The following FAM163A variants were observed in gnomAD, a reference collection of about 807,000 sequenced individuals.
FAM163A encodes the protein protein FAM163A.
A neutral mutation model predicts 12.0 loss-of-function variants in FAM163A; 7 were observed. The ratio of observed to expected loss-of-function variants is 0.58; its 90% CI spans 0.33 to 1.10. The LOEUF (loss-of-function observed/expected upper bound fraction) is 1.10. Ranked by LOEUF, FAM163A falls within the 50% of genes least tolerant of loss-of-function variation. The pLI, the probability that FAM163A is intolerant of heterozygous loss-of-function variation, is 0.03. For synonymous variants in FAM163A, 101 were observed against 91.0 expected (o/e 1.11, Z -0.62); for missense variants, 202 against 218.6 (o/e 0.92, Z 0.48).
chr1:179,812,803 T>A (rs1208976464), intron 3 of FAM163A, among the ~76,000 whole-genome samples: 1 of 151,938 alleles, frequency 6.6e-6, no homozygotes, highest in East Asian at 1.9e-4. Flanking sequence ...CTAAGAAGGG[T>A]GTGACGGGAG....
chr1:179,754,646 A>G (rs905418937), intron 1 of FAM163A, among the ~76,000 whole-genome samples: 2 of 152,316 alleles, frequency 1.3e-5, no homozygotes, highest in African/African-American at 4.8e-5. Flanking sequence ...AGAGGCTTCA[A>G]GAGATGGCAA....
At chr1:179,784,416 G>A (rs757513302) in intron 1 of FAM163A, among the ~76,000 whole-genome samples, 6 of 152,204 alleles carry the variant, frequency 3.9e-5, no homozygotes, top group Non-Finnish European at 8.8e-5. Flanking sequence ...TAACCTCTCT[G>A]AACCTGTTGT....
At chr1:179,740,477 A>T (rs1478548652), upstream of FAM163A, among the ~76,000 whole-genome samples, 1 of 152,160 alleles carries the variant, frequency 6.6e-6, no homozygotes, top group Non-Finnish European at 1.5e-5. Flanking sequence ...AAAAAACCCT[A>T]AATGTCCTTC....
intron 1 of FAM163A, among the ~76,000 whole-genome samples, chr1:179,755,789 C>T (rs1685941619): frequency 6.6e-6 from 1 of 152,094 alleles, no homozygotes; most frequent in South Asian, 2.1e-4. Flanking sequence ...GATGAGTGCC[C>T]ATGGATTCAA....
At chr1:179,747,372 C>G (rs2245195) in intron 1 of FAM163A, among the ~76,000 whole-genome samples, 1 of 151,950 alleles carries the variant, frequency 6.6e-6, no homozygotes, top group Admixed American at 6.6e-5. Flanking sequence ...GCCTGGAAGC[C>G]GATGGATACA....
At chr1:179,810,872 G>A (rs1394265122) in intron 2 of FAM163A, among the ~76,000 whole-genome samples, 7 of 152,036 alleles carry the variant, frequency 4.6e-5, no homozygotes, top group African/African-American at 1.7e-4. Context: ...GTGAAGCCCC[G>A]TTTCTACTGA....
chr1:179,812,142 G>A lies in FAM163A; in HGVS notation c.-23+11G>A, dbSNP rs145979078. On this transcript the variant is annotated intron_variant, in intron 3 of 4. Coordinates refer to ENST00000341785, the MANE Select transcript of FAM163A (RefSeq NM_173509.3). The stretch of plus-strand genomic sequence containing the variant: ...TTCCCTTTACTGAATGTAAGTGATC[G>A]TAGTCATTTTTCCATCTCCAAGATG... The A allele has an allele frequency of 3.9e-5, 6 of 152,668 alleles. No individual in the cohort carries two copies. The highest frequency in any genetic ancestry group is 1.3e-4 in the Admixed American group (2 of 15,290). 9.5% of individuals were successfully genotyped at this position (152,668 alleles called of 1,614,324 possible). A position where few individuals can be genotyped will look rare whatever the true frequency, so the allele number is the denominator to read the frequency against.
chr1:179,792,895 T>A lies in FAM163A; in HGVS notation c.-135-14903T>A, dbSNP rs1553225271. Among the ~76,000 whole-genome samples, 9 of 145,492 alleles carry A rather than the reference T, an allele frequency of 6.2e-5. No individual in the cohort carries two copies. In the South Asian group the frequency reaches 6.5e-4, roughly 11 times the overall value. Reference sequence around the variant, plus strand: ...AGATAATAAAATATATATATATATATAATAAAATACAGTGTGACAGGAGCT... The same window carrying A: ...AGATAATAAAATATATATATATATAAAATAAAATACAGTGTGACAGGAGCT... On this transcript the variant is annotated intron_variant, in intron 1 of 4. Transcript: ENST00000341785.
chr1:179,731,291 A>T, the FAM163A span, among the ~76,000 whole-genome samples: 2 of 152,214 alleles, frequency 1.3e-5, no homozygotes, highest in Non-Finnish European at 2.9e-5. Flanking sequence ...GTAATATACC[A>T]TGAAAAGCTA....
upstream of FAM163A, among the ~76,000 whole-genome samples, chr1:179,739,482 C>T (rs537599801): frequency 2.0e-5 from 3 of 152,274 alleles, no homozygotes; most frequent in South Asian, 4.1e-4. Context: ...GTTTTGAATG[C>T]GGCCCAACAC....
chr1:179,786,333 C>T (rs1310368099), intron 1 of FAM163A, among the ~76,000 whole-genome samples: 1 of 152,156 alleles, frequency 6.6e-6, no homozygotes, highest in Non-Finnish European at 1.5e-5. Flanking sequence ...CAGGTCTCCC[C>T]AGGGTAGATT....
intron 3 of FAM163A, 122 bp downstream of exon 3, chr1:179,812,253 G>A (rs545231615): frequency 6.6e-6 from 1 of 152,570 alleles, no homozygotes; most frequent in African/African-American, 2.4e-5. Context: ...CCTAAAAGGA[G>A]AATCTGTCTG....
At chr1:179,752,962 T>C (rs1228987334) in intron 1 of FAM163A, among the ~76,000 whole-genome samples, 1 of 152,154 alleles carries the variant, frequency 6.6e-6, no homozygotes, top group African/African-American at 2.4e-5. Context: ...TCCAAAAGAA[T>C]TAAAATAAGA....
At chr1:179,772,800 C>T (rs1688452916) in intron 1 of FAM163A, among the ~76,000 whole-genome samples, 1 of 151,836 alleles carries the variant, frequency 6.6e-6, no homozygotes, top group South Asian at 2.1e-4. Context: ...CTTTCTGTTT[C>T]AACTCCTAGA....
At chr1:179,811,586 C>T (rs1418301672) in intron 2 of FAM163A, among the ~76,000 whole-genome samples, 3 of 152,138 alleles carry the variant, frequency 2.0e-5, no homozygotes, top group Non-Finnish European at 2.9e-5. Flanking sequence ...GTCCACAGAG[C>T]GGGAGTGGAT....
chr1:179,728,502 TC>T, the FAM163A span, among the ~76,000 whole-genome samples: 1 of 152,162 alleles, frequency 6.6e-6, no homozygotes, highest in Non-Finnish European at 1.5e-5. Flanking sequence ...CCTTTTTCTC[TC>T]TGCAGCTCCT....
chr1:179,764,540 T>A (rs61828396), intron 1 of FAM163A, among the ~76,000 whole-genome samples: 4 of 152,156 alleles, frequency 2.6e-5, no homozygotes, highest in Non-Finnish European at 5.9e-5. Flanking sequence ...CCATGGTAGA[T>A]GAGGTATTGA....
At chr1:179,745,247 A>C (rs1331762414) in intron 1 of FAM163A, among the ~76,000 whole-genome samples, 1 of 151,924 alleles carries the variant, frequency 6.6e-6, no homozygotes, top group East Asian at 1.9e-4. Context: ...GCATTCAGTG[A>C]CCTCATCAGG....
intron 1 of FAM163A, among the ~76,000 whole-genome samples, chr1:179,768,282 T>C: frequency 6.6e-6 from 1 of 152,234 alleles, no homozygotes; most frequent in East Asian, 1.9e-4. Flanking sequence ...TAACCCTTTA[T>C]TTTGCAACTC....
Sources: allele counts gnomAD v4.1 joint callset (sites outside exome capture counted in the v4.1 genomes callset), GRCh38; gene constraint gnomAD v4.1.1; transcripts MANE v1.5; gene names NCBI Gene and HGNC (gene_info 2026-07-23, HGNC 2026-07-21).